The following YES1 variants were observed in gnomAD, a reference collection of about 807,000 sequenced individuals.
YES1 encodes the protein YES proto-oncogene 1, Src family tyrosine kinase, also known as tyrosine-protein kinase Yes.
In YES1, 39 loss-of-function variants were observed where a neutral mutation model predicts 70.4. The ratio of observed to expected loss-of-function variants is 0.55; its 90% CI spans 0.43 to 0.72. The LOEUF is 0.72. YES1 is among the 30% of genes least tolerant of loss of function. YES1 has a pLI of 0.00. For synonymous variants in YES1, 198 were observed against 218.6 expected, an observed-to-expected ratio of 0.91 and a Z score of 0.83; for missense variants, 495 against 644.8, an observed-to-expected ratio of 0.77 and a Z score of 2.52.
rs1027471340 is a variant in YES1 at position 795,367 on chromosome 18, CA to C, written c.-9+16746del. Among the ~76,000 whole-genome samples the C allele has an allele frequency of 1.1e-4, 17 of 152,242 alleles. 1 individual carries two copies. The highest frequency in any genetic ancestry group is 1.0e-3 in the South Asian group (5 of 4,812). ...GGAGGGAAACATAAAGGAAATGTGA[CA>C]AAATGTTAACAACTGGTAAATCTGG... is the stretch of plus-strand genomic sequence containing the variant. On this transcript the variant is annotated intron_variant, in intron 1 of 11. Coordinates refer to ENST00000314574, the MANE Select transcript of YES1 (RefSeq NM_005433.4).
At chr18:765,720 A>T (rs2145766047) in intron 1 of YES1, among the ~76,000 whole-genome samples, 1 of 152,274 alleles carries the variant, frequency 6.6e-6, no homozygotes, top group Non-Finnish European at 1.5e-5. Context: ...TTTAATAAGG[A>T]GTAAAATAAG....
chr18:801,719 C>T (rs1042171707), intron 1 of YES1, among the ~76,000 whole-genome samples: 2 of 151,682 alleles, frequency 1.3e-5, no homozygotes, highest in African/African-American at 4.8e-5. Flanking sequence ...TGTGTATATA[C>T]AGAGAGAGAG....
chr18:800,770 G>A (rs1732961883), intron 1 of YES1, among the ~76,000 whole-genome samples: 1 of 152,200 alleles, frequency 6.6e-6, no homozygotes, highest in South Asian at 2.1e-4. Flanking sequence ...TTACAAGGCT[G>A]GAGGTGGTGG....
chr18:764,835 C>T (rs539045407), intron 1 of YES1, among the ~76,000 whole-genome samples: 6 of 151,422 alleles, frequency 4.0e-5, no homozygotes, highest in South Asian at 2.1e-4. Flanking sequence ...TGGGTTCATG[C>T]GATTCTCCTG....
chr18:809,621 T>C (rs1293852947), intron 1 of YES1, among the ~76,000 whole-genome samples: 2 of 152,156 alleles, frequency 1.3e-5, no homozygotes, highest in Non-Finnish European at 1.5e-5. Flanking sequence ...AAAGTAGTTA[T>C]ACATACAGCT....
intron 11 of YES1, among the ~76,000 whole-genome samples, chr18:726,457 C>T (rs1215333406): frequency 6.6e-6 from 1 of 150,902 alleles, no homozygotes. Context: ...CTTCACTCTT[C>T]AGAATTTTCT....
At chr18:753,491 A>T (rs551806960) in intron 2 of YES1, among the ~76,000 whole-genome samples, 106 of 151,910 alleles carry the variant, frequency 7.0e-4, no homozygotes, top group East Asian at 3.1e-3. Flanking sequence ...TCAAAAAAAA[A>T]TTTTTTCTTT....
intron 4 of YES1, among the ~76,000 whole-genome samples, chr18:746,999 T>G (rs1326626696): frequency 6.6e-6 from 1 of 152,210 alleles, no homozygotes; most frequent in Non-Finnish European, 1.5e-5. Context: ...CAGTGTGTAC[T>G]TGCTAAAAGA....
At chr18:810,738 TCCTTA>T (rs1907331299) in intron 1 of YES1, among the ~76,000 whole-genome samples, 1 of 152,218 alleles carries the variant, frequency 6.6e-6, no homozygotes, top group African/African-American at 2.4e-5. Flanking sequence ...TAACTTCCTT[TCCTTA>T]CATGTCAATT....
At chr18:757,571 A>G (rs1904358214) in intron 1 of YES1, among the ~76,000 whole-genome samples, 1 of 151,684 alleles carries the variant, frequency 6.6e-6, no homozygotes, top group South Asian at 2.1e-4. Flanking sequence ...CTGTAATTGT[A>G]GCACTTTGGG....
rs555346096 is a variant in YES1 at position 756,089 on chromosome 18, A to AT, written c.271+467dup. Among the ~76,000 whole-genome samples, 25 of 152,102 alleles carry AT rather than the reference A, an allele frequency of 1.6e-4. No homozygotes were observed. In the East Asian group the frequency reaches 2.9e-3, roughly 18 times the overall value. On this transcript the variant is annotated intron_variant, in intron 2 of 11. Coordinates refer to ENST00000314574, the MANE Select transcript of YES1 (RefSeq NM_005433.4). Reference sequence around the variant, plus strand: ...AATTTTAAACTGTCTGAGCTTTAGGATTTTTCTTTTTTAAATCAGCAGCAT... The same window carrying AT: ...AATTTTAAACTGTCTGAGCTTTAGGATTTTTTCTTTTTTAAATCAGCAGCAT...
Position 748,359 on chromosome 18 carries a change from T to C in YES1, c.372-341A>G, listed in dbSNP as rs1183408199. ...TCTTTCAAATTACTCAGTATTCTTT[T>C]CTTTTTTTTTTTTTTAAAGCTTTAA... On this transcript the variant is annotated intron_variant, in intron 3 of 11. Coordinates refer to ENST00000314574, the MANE Select transcript of YES1 (RefSeq NM_005433.4). Among the ~76,000 whole-genome samples the C allele has an allele frequency of 1.2e-4, 3 of 25,966 alleles. No individual in the cohort carries two copies. In the Admixed American group the frequency reaches 2.1e-3, roughly 19 times the overall value. The allele number at this position is 25,966 out of a possible 152,430, so 17.0% of individuals were successfully genotyped here.
At chr18:810,456 T>C (rs1483787380) in intron 1 of YES1, among the ~76,000 whole-genome samples, 2 of 152,216 alleles carry the variant, frequency 1.3e-5, no homozygotes, top group Non-Finnish European at 2.9e-5. Context: ...GTAATTTCAC[T>C]TTCAGATGAA....
chr18:786,075 G>T (rs753848363), intron 1 of YES1, among the ~76,000 whole-genome samples: 1 of 152,206 alleles, frequency 6.6e-6, no homozygotes, highest in Admixed American at 6.5e-5. Flanking sequence ...CCAGAACTGT[G>T]AGAAGTAAAT....
In YES1 at chr18:724,402, C is replaced by A; in HGVS notation, c.*22G>T. ...TTCTTTATATTTTGGCAGATTTGTG[C>A]ATATAAAATAGGCTACTTGAATTAT... On this transcript the variant is annotated 3_prime_UTR_variant, in exon 12 of 12. Coordinates refer to ENST00000314574, the MANE Select transcript of YES1 (RefSeq NM_005433.4). 1 of 1,599,594 alleles carries A rather than the reference C, an allele frequency of 6.3e-7. No individual in the cohort carries two copies. Among genetic ancestry groups the A allele is most frequent in the East Asian group, 2.2e-5 (1 of 44,762 alleles).
At chr18:744,735 T>A (rs559761532) in intron 6 of YES1, among the ~76,000 whole-genome samples, 1 of 142,762 alleles carries the variant, frequency 7.0e-6, no homozygotes, top group East Asian at 2.2e-4. Context: ...GGTCTTGCTA[T>A]GTTGCCCAGG....
chr18:790,960 A>G (rs1906213978), intron 1 of YES1, among the ~76,000 whole-genome samples: 1 of 152,202 alleles, frequency 6.6e-6, no homozygotes, highest in Non-Finnish European at 1.5e-5. Flanking sequence ...ATATTTTTTT[A>G]AAGTCTAGGC....
At chr18:798,964 A>T (rs1906680434) in intron 1 of YES1, among the ~76,000 whole-genome samples, 1 of 152,206 alleles carries the variant, frequency 6.6e-6, no homozygotes, top group Non-Finnish European at 1.5e-5. Flanking sequence ...ATCCTAATTA[A>T]GTTCAAAATA....
intron 1 of YES1, among the ~76,000 whole-genome samples, chr18:770,257 G>C (rs1217175618): frequency 7.1e-6 from 1 of 140,680 alleles, no homozygotes; most frequent in Non-Finnish European, 1.5e-5. Flanking sequence ...CACTGCGCCC[G>C]GCCCTTTTAT....
Sources: gnomAD v4.1 joint callset for allele counts (sites outside exome capture counted in the v4.1 genomes callset) on GRCh38, gnomAD v4.1.1 for gene constraint, MANE v1.5 for transcripts, NCBI Gene and HGNC (gene_info 2026-07-23, HGNC 2026-07-21) for gene names.